The following CCDC85C variants were observed in gnomAD, a reference collection of about 807,000 sequenced individuals.
CCDC85C encodes the protein coiled-coil domain containing 85C, also known as coiled-coil domain-containing protein 85C.
Under a neutral mutation model 38.3 loss-of-function variants are expected in CCDC85C, and 18 were observed. The ratio of observed to expected loss-of-function variants is 0.47; its 90% confidence interval spans 0.33 to 0.70. The LOEUF (loss-of-function observed/expected upper bound fraction) is 0.70, where lower values mean the gene tolerates loss of function less well. Ranked by LOEUF, CCDC85C falls within the 30% of genes least tolerant of loss-of-function variation. The pLI, the probability that CCDC85C is intolerant of heterozygous loss-of-function variation, is 0.03. For synonymous variants in CCDC85C, 264 were observed against 293.8 expected (o/e 0.90, Z 1.04); for missense variants, 566 against 621.2 (o/e 0.91, Z 0.94).
rs543036959 is a variant in CCDC85C at position 99,593,854 on chromosome 14, C to G, written c.793+9313G>C. Among the ~76,000 whole-genome samples, 16 of 152,300 alleles carry G rather than the reference C, an allele frequency of 1.1e-4. No homozygotes were observed. The South Asian group carries it at 3.3e-3, about 32-fold the overall frequency. On this transcript the variant is annotated intron_variant, in intron 1 of 5. Coordinates refer to ENST00000380243, the MANE Select transcript of CCDC85C (RefSeq NM_001144995.2). ...CTGCACCCATCTCTGGGGCTGGGCA[C>G]GGGCACTGGTATTTTTTAAAGTTTT...
At chr14:99,582,255 C>T (rs964110220) in intron 1 of CCDC85C, among the ~76,000 whole-genome samples, 2 of 152,110 alleles carry the variant, frequency 1.3e-5, no homozygotes, top group Non-Finnish European at 2.9e-5. Flanking sequence ...CTTCTGACGA[C>T]GACCACCCTG....
rs1412292696 is a variant in CCDC85C, at chr14:99,603,868, A to G, written c.92T>C (p.Leu31Pro). ...EELLRWSKEE[L>P]ARRLRRAEGE... is the part of the protein sequence containing the mutation. ...CTCGGCGCGCCGCAGCCGCCGCGCC[A>G]GCTCCTCCTTGCTCCAGCGCAGCAG... Residue 31 changes from leucine (L) to proline (P), a missense_variant, in exon 1 of 6, where the codon CTG (leucine) becomes CCG (proline). Physicochemically the swap from Leu to Pro is moderately conservative, Grantham distance 98. Transcript: ENST00000380243. This position sits in a 1 kb window ranked among gnomAD's most constrained non-coding sequence, Gnocchi z 7.5. 1 of 1,514,714 alleles carries G rather than the reference A, an allele frequency of 6.6e-7. No individual in the cohort carries two copies. The highest frequency in any genetic ancestry group is 8.8e-7 in the Non-Finnish European group (1 of 1,137,782). The allele number at this position is 1,514,714 out of a possible 1,614,324, so 93.8% of individuals were successfully genotyped here.
intron 1 of CCDC85C, among the ~76,000 whole-genome samples, chr14:99,566,247 G>A (rs1032791060): frequency 6.6e-6 from 1 of 152,224 alleles, no homozygotes; most frequent in African/African-American, 2.4e-5. Flanking sequence ...TGTCTTGTTG[G>A]CATTTACCAT....
intron 1 of CCDC85C, among the ~76,000 whole-genome samples, chr14:99,578,892 G>A (rs1364084060): frequency 2.6e-5 from 4 of 151,302 alleles, no homozygotes; most frequent in Admixed American, 6.6e-5. Context: ...TAGGTGACAG[G>A]TGGATGTGGT....
At position 99,503,677 on chromosome 14, in the gene CCDC85C, A is replaced by T; in HGVS notation, c.*11569T>A. The T allele has an allele frequency of 1.3e-6, 2 of 1,512,192 alleles. No individual in the cohort carries two copies. The allele number at this position is 1,512,192 out of a possible 1,614,324, so 93.7% of individuals were successfully genotyped here. A position where few individuals can be genotyped will look rare whatever the true frequency, so the allele number is the denominator to read the frequency against. On this transcript the variant is annotated 3_prime_UTR_variant, in exon 6 of 6. Coordinates refer to ENST00000380243, the MANE Select transcript of CCDC85C (RefSeq NM_001144995.2). ...CCTGTTCTGATGTTTTTTTAGTTTT[A>T]TGTGTTTATATGCAAAACTTTAAAT...
chr14:99,526,087 C>T (rs2139905325), intron 2 of CCDC85C, among the ~76,000 whole-genome samples: 1 of 152,332 alleles, frequency 6.6e-6, no homozygotes, highest in East Asian at 1.9e-4. Flanking sequence ...TTGGGAGACA[C>T]TGTGGGGCTC....
Position 99,559,797 on chromosome 14 carries a change from G to A in CCDC85C, c.794-23709C>T, listed in dbSNP as rs562006858. The stretch of plus-strand genomic sequence containing the variant: ...AGAGGAAAAATGCATCTGATGCAGC[G>A]TGGACTGAAAAAGCCAGATTCCACA... On this transcript the variant is annotated intron_variant, in intron 1 of 5. Transcript: ENST00000380243. 5.3e-5 allele frequency among the ~76,000 whole-genome samples: 8 copies of A among 152,234 alleles called. No homozygotes were observed. In the East Asian group the frequency reaches 5.8e-4, roughly 11 times the overall value.
In CCDC85C at chr14:99,502,216, C is replaced by A. The variant is rs780225159; in HGVS notation, c.*13030G>T. The stretch of plus-strand genomic sequence containing the variant: ...TTTCTTGTTGAACTAGTCTCTGCAC[C>A]ACCTTGTCACTGCAGTGGGAACCAG... On this transcript the variant is annotated 3_prime_UTR_variant, in exon 6 of 6. Coordinates refer to ENST00000380243, the MANE Select transcript of CCDC85C (RefSeq NM_001144995.2). The A allele has an allele frequency of 1.3e-6, 2 of 1,591,428 alleles. No homozygotes were observed. The highest frequency in any genetic ancestry group is 2.3e-5 in the South Asian group (2 of 87,532).
At chr14:99,527,249 G>T (rs1488804700) in intron 2 of CCDC85C, among the ~76,000 whole-genome samples, 1 of 152,206 alleles carries the variant, frequency 6.6e-6, no homozygotes, top group African/African-American at 2.4e-5. Flanking sequence ...TGTCTGCATG[G>T]CTGGACAGGT....
chr14:99,567,270 G>A (rs921493812), intron 1 of CCDC85C, among the ~76,000 whole-genome samples: 2 of 152,212 alleles, frequency 1.3e-5, no homozygotes, highest in African/African-American at 4.8e-5. Context: ...TATACACTGT[G>A]ATAAGGATGT....
At position 99,544,509 on chromosome 14, in the gene CCDC85C, T is replaced by C. The variant is rs1297358837; in HGVS notation, c.794-8421A>G. Among the ~76,000 whole-genome samples, 1 of 151,834 alleles carries C rather than the reference T, an allele frequency of 6.6e-6. No individual in the cohort carries two copies. The highest frequency in any genetic ancestry group is 1.5e-5 in the Non-Finnish European group (1 of 68,012). The stretch of plus-strand genomic sequence containing the variant: ...TGAAGGGTGTGTGTGTGTGTGTGTG[T>C]GTGTGTGTCTGTGTGTCTGTGTGTT... On this transcript the variant is annotated intron_variant, in intron 1 of 5. Coordinates refer to ENST00000380243, the MANE Select transcript of CCDC85C (RefSeq NM_001144995.2). This position sits in a 1 kb window ranked among gnomAD's most constrained non-coding sequence, Gnocchi z 5.3.
chr14:99,542,841 C>T (rs1257100378), intron 1 of CCDC85C, among the ~76,000 whole-genome samples: 1 of 152,224 alleles, frequency 6.6e-6, no homozygotes, highest in Non-Finnish European at 1.5e-5. Flanking sequence ...ATGAGCACTT[C>T]GGGTTTCCCC....
chr14:99,530,388 C>T (rs896657231), intron 2 of CCDC85C, among the ~76,000 whole-genome samples: 1 of 152,162 alleles, frequency 6.6e-6, no homozygotes, highest in African/African-American at 2.4e-5. Context: ...ATGCCAAACA[C>T]ACAGGGCAGG....
chr14:99,536,100 CAA>C lies in CCDC85C; in HGVS notation c.794-14_794-13del. ...GGTGGATGAGGGATCTGGAAGGACA[CAA>C]GAGGAAGGGGGACATTAGCCTCCAG... On this transcript the variant is annotated splice_polypyrimidine_tract_variant and intron_variant, in intron 1 of 5. Transcript: ENST00000380243. The C allele has an allele frequency of 6.5e-7, 1 of 1,540,990 alleles. No homozygotes were observed. The highest frequency in any genetic ancestry group is 8.8e-7 in the Non-Finnish European group (1 of 1,137,402).
intron 2 of CCDC85C, among the ~76,000 whole-genome samples, chr14:99,530,493 G>A (rs964820438): frequency 3.3e-5 from 5 of 152,116 alleles, no homozygotes; most frequent in Admixed American, 2.6e-4. Context: ...GGAGGAACCC[G>A]GGCTCAGGAC....
rs1206016521 is a variant in CCDC85C at position 99,508,918 on chromosome 14, C to T, written c.*6328G>A. On this transcript the variant is annotated 3_prime_UTR_variant, in exon 6 of 6. Transcript: ENST00000380243. ...CACTTTTCTGCACCTCTTTTTTAGT[C>T]AGCTCCTAGAACCACAGGGCATCTG... 1.3e-5 allele frequency: 2 copies of T among 152,262 alleles called. No individual in the cohort carries two copies. The highest frequency in any genetic ancestry group is 2.9e-5 in the Non-Finnish European group (2 of 68,076). The allele number at this position is 152,262 out of a possible 1,614,324, so 9.4% of individuals were successfully genotyped here.
chr14:99,536,416 G>A (rs1411018063), intron 1 of CCDC85C, among the ~76,000 whole-genome samples: 1 of 152,206 alleles, frequency 6.6e-6, no homozygotes, highest in African/African-American at 2.4e-5. Flanking sequence ...GGGTGTGGGG[G>A]TGGCCTCGCC....
intron 2 of CCDC85C, among the ~76,000 whole-genome samples, chr14:99,526,620 G>A (rs781432859): frequency 1.8e-4 from 27 of 151,968 alleles, no homozygotes; most frequent in Non-Finnish European, 3.8e-4. Context: ...CAAGGCCAGG[G>A]CCCAGGGAAC....
At chr14:99,580,230 G>A (rs2054951899) in intron 1 of CCDC85C, 1 of 424,678 alleles carries the variant, frequency 2.4e-6, no homozygotes, top group African/African-American at 2.0e-5. Flanking sequence ...AGCCCCCAGG[G>A]ACACAGCCCA....
Sources: allele counts gnomAD v4.1 joint callset (sites outside exome capture counted in the v4.1 genomes callset), GRCh38; gene constraint gnomAD v4.1.1; non-coding constraint Gnocchi (gnomAD v3.1); transcripts MANE v1.5; gene names NCBI Gene and HGNC (gene_info 2026-07-23, HGNC 2026-07-21).